Variants in DLC1 observed in about 807,000 individuals in gnomAD.
DLC1 encodes rho GTPase-activating protein 7.
In DLC1, 54 loss-of-function variants were observed where a neutral mutation model predicts 140.3. The ratio of observed to expected loss-of-function variants is 0.38; its 90% CI spans 0.31 to 0.48. The LOEUF is 0.48. DLC1 is among the 20% of genes least tolerant of loss of function. The pLI is 0.96. For synonymous variants in DLC1, 986 were observed against 728.1 expected, an observed-to-expected ratio of 1.35 and a Z score of -5.70; for missense variants, 2,536 against 1,907.0, an observed-to-expected ratio of 1.33 and a Z score of -6.14.
At chr8:13,233,293 T>TAA (rs71207134) in intron 5 of DLC1, among the ~76,000 whole-genome samples, 1,140 of 70,174 alleles carry the variant, frequency 0.016, 54 homozygotes, top group African/African-American at 0.026. Flanking sequence ...AGACTCTGTA[T>TAA]AAAAAAAAAA....
chr8:13,458,262 C>A (rs910237407), intron 2 of DLC1, among the ~76,000 whole-genome samples: 1 of 152,076 alleles, frequency 6.6e-6, no homozygotes, highest in Non-Finnish European at 1.5e-5. Context: ...TTTGATGGAG[C>A]AATTTTGGCA....
intron 4 of DLC1, among the ~76,000 whole-genome samples, chr8:13,365,102 C>A (rs942549864): frequency 3.3e-5 from 5 of 152,128 alleles, no homozygotes; most frequent in African/African-American, 1.2e-4. Flanking sequence ...GTAGTATAGT[C>A]CTTAGAAATC....
At chr8:13,110,000 A>AT (rs1380480260) in intron 7 of DLC1, among the ~76,000 whole-genome samples, 1 of 152,100 alleles carries the variant, frequency 6.6e-6, no homozygotes, top group Non-Finnish European at 1.5e-5. Flanking sequence ...TCTGTGTATA[A>AT]TTTTTTTCCC....
intron 2 of DLC1, among the ~76,000 whole-genome samples, chr8:13,462,751 G>A (rs1799730880): frequency 6.6e-6 from 1 of 152,042 alleles, no homozygotes; most frequent in African/African-American, 2.4e-5. Context: ...AGATATGTCT[G>A]TTCTTTATAT....
At chr8:13,547,762 C>G (rs1446531691) in intron 1 of DLC1, among the ~76,000 whole-genome samples, 1 of 151,892 alleles carries the variant, frequency 6.6e-6, no homozygotes, top group African/African-American at 2.4e-5. Flanking sequence ...ACTTCATATC[C>G]CTGCCTACTC....
At chr8:13,311,493 T>C (rs1251896708) in intron 4 of DLC1, among the ~76,000 whole-genome samples, 1 of 152,200 alleles carries the variant, frequency 6.6e-6, no homozygotes, top group Non-Finnish European at 1.5e-5. Flanking sequence ...AAGTGAAATA[T>C]TAATAAATGC....
At chr8:13,448,503 C>T (rs1798898391) in intron 2 of DLC1, among the ~76,000 whole-genome samples, 2 of 151,988 alleles carry the variant, frequency 1.3e-5, no homozygotes, top group Non-Finnish European at 1.5e-5. Flanking sequence ...GCTGGGACTA[C>T]AGGTGTGCGC....
chr8:13,464,777 T>C (rs976084449), intron 2 of DLC1, among the ~76,000 whole-genome samples: 12 of 126,042 alleles, frequency 9.5e-5, no homozygotes, highest in African/African-American at 3.6e-4. Flanking sequence ...TATATATATA[T>C]ATATATATAT....
At chr8:13,551,047 A>AACACACACACACACAC (rs1554542230) in intron 1 of DLC1, among the ~76,000 whole-genome samples, 11 of 123,056 alleles carry the variant, frequency 8.9e-5, no homozygotes, top group African/African-American at 3.1e-4. Context: ...GATTTCTTTA[A>AACACACACACACACAC]ACACACACAC....
At chr8:13,348,378 C>T in intron 4 of DLC1, among the ~76,000 whole-genome samples, 1 of 152,102 alleles carries the variant, frequency 6.6e-6, no homozygotes, top group South Asian at 2.1e-4. Context: ...GAGCCACACA[C>T]AAGGTAAATA....
intron 5 of DLC1, among the ~76,000 whole-genome samples, chr8:13,266,747 A>AAAAAC (rs1364962340): frequency 2.0e-4 from 30 of 152,226 alleles, no homozygotes; most frequent in Admixed American, 1.9e-3. Context: ...TTAGTATTAA[A>AAAAAC]AAAACAAAAC....
At chr8:13,304,933 C>T (rs973427134) in intron 5 of DLC1, 24 of 1,011,346 alleles carry the variant, frequency 2.4e-5, no homozygotes, top group Non-Finnish European at 2.6e-5. Context: ...AAAAATAAAC[C>T]TTGGTAATTA....
chr8:13,288,340 T>C (rs1831614214), intron 5 of DLC1, among the ~76,000 whole-genome samples: 1 of 152,222 alleles, frequency 6.6e-6, no homozygotes, highest in South Asian at 2.1e-4. Context: ...GTATTCCTTG[T>C]AAAAATTATA....
chr8:13,142,968 G>A (rs776913085), intron 5 of DLC1, among the ~76,000 whole-genome samples: 1 of 150,478 alleles, frequency 6.6e-6, no homozygotes, highest in Non-Finnish European at 1.5e-5. Context: ...AGAATCACTT[G>A]AACACCAGAG....
intron 1 of DLC1, among the ~76,000 whole-genome samples, chr8:13,597,416 G>T (rs1156388954): frequency 6.6e-6 from 1 of 151,954 alleles, no homozygotes; most frequent in African/African-American, 2.4e-5. Flanking sequence ...ACTTGAGTTA[G>T]TTCTAATAGC....
intron 4 of DLC1, among the ~76,000 whole-genome samples, chr8:13,380,781 G>A (rs1288582476): frequency 6.6e-6 from 1 of 152,204 alleles, no homozygotes; most frequent in Non-Finnish European, 1.5e-5. Flanking sequence ...TAAGTAGTGA[G>A]ATAGACCAAG....
intron 5 of DLC1, among the ~76,000 whole-genome samples, chr8:13,287,505 T>G (rs1831574744): frequency 6.6e-6 from 1 of 152,210 alleles, no homozygotes; most frequent in African/African-American, 2.4e-5. Context: ...AGAGTAGCTC[T>G]AGATGGAGAG....
intron 5 of DLC1, among the ~76,000 whole-genome samples, chr8:13,175,484 G>A (rs1441300444): frequency 6.6e-6 from 1 of 151,860 alleles, no homozygotes; most frequent in African/African-American, 2.4e-5. Flanking sequence ...ATGTTTAAGT[G>A]CTCATTTTCA....
chr8:13,357,893 A>G (rs1835023434), intron 4 of DLC1, among the ~76,000 whole-genome samples: 1 of 152,196 alleles, frequency 6.6e-6, no homozygotes, highest in African/African-American at 2.4e-5. Context: ...ATTAGAAGAG[A>G]GCCTCTTGAT....
Sources: allele counts gnomAD v4.1 joint callset (sites outside exome capture counted in the v4.1 genomes callset), GRCh38; gene constraint gnomAD v4.1.1; transcripts MANE v1.5; gene names NCBI Gene and HGNC (gene_info 2026-07-23, HGNC 2026-07-21).